RREB1: variants seen among roughly 807,000 people sequenced by gnomAD.
RREB1 encodes the protein ras-responsive element-binding protein 1.
In RREB1, 27 loss-of-function variants were observed where a neutral mutation model predicts 117.8. That is an observed-to-expected ratio of 0.23 (90% CI 0.17 to 0.32). RREB1 has a LOEUF of 0.32. Among genes scored for constraint, RREB1 ranks in the 10% least tolerant of loss-of-function variants. The pLI is 1.00. For missense variants in RREB1, 2,577 were observed against 2,378.2 expected, an observed-to-expected ratio of 1.08 and a Z score of -1.74; for synonymous variants, 1,298 against 1,026.7, an observed-to-expected ratio of 1.26 and a Z score of -5.05.
In RREB1 at chr6:7,231,118, C is replaced by T. The variant is rs549172556; in HGVS notation, c.3019C>T (p.Pro1007Ser). ...PAATPEPPAQ[P>S]LQGPVQLAVP... ...GGCCACCCCGGAACCCCCAGCACAG[C>T]CCCTGCAGGGCCCTGTTCAGCTGGC... is the stretch of plus-strand genomic sequence containing the variant. Residue 1007 changes from proline to serine, a missense_variant, in exon 10 of 13, where the codon CCC (proline) becomes TCC (serine). Transcript: ENST00000379938. 31 of 1,612,864 alleles carry T rather than the reference C, an allele frequency of 1.9e-5. No individual in the cohort carries two copies. In the South Asian group the frequency reaches 2.9e-4, roughly 15 times the overall value.
intron 1 of RREB1, among the ~76,000 whole-genome samples, chr6:7,171,720 G>A (rs1425476247): frequency 2.0e-5 from 3 of 152,174 alleles, no homozygotes; most frequent in African/African-American, 7.2e-5. Flanking sequence ...AACATTAGAG[G>A]TGAGTGTGTC....
At chr6:7,137,766 C>T (rs1762405022) in intron 1 of RREB1, among the ~76,000 whole-genome samples, 2 of 152,104 alleles carry the variant, frequency 1.3e-5, no homozygotes, top group South Asian at 2.1e-4. Context: ...AGAGTCATTT[C>T]ACGGCCGCCT....
intron 1 of RREB1, among the ~76,000 whole-genome samples, chr6:7,150,415 T>G (rs1196914301): frequency 6.6e-6 from 1 of 152,256 alleles, no homozygotes; most frequent in Non-Finnish European, 1.5e-5. Context: ...TTTTGTGTGT[T>G]TTGGGTTTTT....
chr6:7,109,969 G>A (rs1581392713), intron 1 of RREB1, among the ~76,000 whole-genome samples: 1 of 152,184 alleles, frequency 6.6e-6, no homozygotes, highest in African/African-American at 2.4e-5. Flanking sequence ...TTAGATTTAA[G>A]CTTAGCTCTT....
chr6:7,171,031 G>A (rs2113495524), intron 1 of RREB1, among the ~76,000 whole-genome samples: 1 of 152,296 alleles, frequency 6.6e-6, no homozygotes, highest in Admixed American at 6.5e-5. Context: ...GGTTTGTTTG[G>A]TGGAGGGTCT....
chr6:7,228,495 CTTTTTTTTTTT>C (rs568193582), intron 9 of RREB1, among the ~76,000 whole-genome samples: 1 of 91,206 alleles, frequency 1.1e-5, no homozygotes, highest in East Asian at 2.9e-4. Context: ...AGAAGGTCAA[CTTTTTTTTTTT>C]TTTTTTTTTT....
At chr6:7,122,410 C>T (rs373726552) in intron 1 of RREB1, among the ~76,000 whole-genome samples, 53 of 152,248 alleles carry the variant, frequency 3.5e-4, no homozygotes, top group African/African-American at 1.2e-3. Context: ...GGACTACAGG[C>T]GGGCACCGCC....
intron 8 of RREB1, among the ~76,000 whole-genome samples, chr6:7,223,257 TAAAAAA>T (rs59558597): frequency 5.4e-4 from 53 of 97,284 alleles, no homozygotes; most frequent in African/African-American, 2.1e-3. Flanking sequence ...ACTCTCTTTT[TAAAAAA>T]AAAAAAAAAA....
At chr6:7,156,634 T>G (rs766678320) in intron 1 of RREB1, among the ~76,000 whole-genome samples, 2 of 152,246 alleles carry the variant, frequency 1.3e-5, no homozygotes, top group African/African-American at 4.8e-5. Flanking sequence ...CTGGTGCCCT[T>G]GGTATTTGTA....
At chr6:7,175,847 C>CT (rs1195862479) in intron 1 of RREB1, among the ~76,000 whole-genome samples, 1 of 152,242 alleles carries the variant, frequency 6.6e-6, no homozygotes, top group Non-Finnish European at 1.5e-5. Context: ...GTTACCAACA[C>CT]TTTCTCCTCA....
At chr6:7,130,605 T>C (rs1009741960) in intron 1 of RREB1, among the ~76,000 whole-genome samples, 6 of 152,108 alleles carry the variant, frequency 3.9e-5, no homozygotes, top group Non-Finnish European at 8.8e-5. Context: ...CATTTACTTT[T>C]GTTAGTAGTC....
chr6:7,111,571 G>T (rs1761147971), intron 1 of RREB1, among the ~76,000 whole-genome samples: 1 of 152,192 alleles, frequency 6.6e-6, no homozygotes, highest in African/African-American at 2.4e-5. Flanking sequence ...TTTTGAAAGG[G>T]AGTCATTCCC....
At chr6:7,175,771 T>C (rs1374960014) in intron 1 of RREB1, among the ~76,000 whole-genome samples, 1 of 152,176 alleles carries the variant, frequency 6.6e-6, no homozygotes, top group East Asian at 1.9e-4. Context: ...CATGTGTAAT[T>C]TGAGATGTTT....
intron 1 of RREB1, among the ~76,000 whole-genome samples, chr6:7,164,770 G>A (rs1029473716): frequency 6.6e-6 from 1 of 152,242 alleles, no homozygotes; most frequent in Admixed American, 6.5e-5. Flanking sequence ...ACAGAGTTAG[G>A]ATTGGGAGGA....
At chr6:7,149,151 G>C (rs1215316061) in intron 1 of RREB1, among the ~76,000 whole-genome samples, 1 of 152,142 alleles carries the variant, frequency 6.6e-6, no homozygotes, top group Non-Finnish European at 1.5e-5. Context: ...TCAAACTCCT[G>C]ACCTCAGGTG....
At position 7,230,339 on chromosome 6, in the gene RREB1, C is replaced by A; in HGVS notation, c.2240C>A (p.Ala747Asp). 2 of 1,589,944 alleles carry A rather than the reference C, an allele frequency of 1.3e-6. No individual in the cohort carries two copies. Residue 747 changes from alanine to aspartate, a missense_variant, in exon 10 of 13, where the codon GCC becomes GAC. By Grantham distance (126) the Ala-to-Asp change is moderately radical. Coordinates refer to ENST00000379938, the MANE Select transcript of RREB1 (RefSeq NM_001003699.4). ...VSSSAAELVD[A>D]FCAPDTVCRL... ...AGCAGCGCGGCCGAGCTGGTGGACG[C>A]CTTCTGCGCCCCGGACACCGTGTGC...
At chr6:7,223,432 A>T (rs1451622246) in intron 8 of RREB1, among the ~76,000 whole-genome samples, 34 of 151,908 alleles carry the variant, frequency 2.2e-4, no homozygotes, top group African/African-American at 8.2e-4. Context: ...GTGGTGGCGC[A>T]TGCCTGTAAT....
chr6:7,137,205 G>A (rs966257906), intron 1 of RREB1, among the ~76,000 whole-genome samples: 3 of 152,214 alleles, frequency 2.0e-5, no homozygotes, highest in East Asian at 1.9e-4. Flanking sequence ...GGGTGGAGGC[G>A]GCAGGAGCAG....
intron 8 of RREB1, 143 bp downstream of exon 8, chr6:7,211,852 G>A (rs1766629683): frequency 2.4e-6 from 2 of 844,094 alleles, no homozygotes; most frequent in Admixed American, 2.6e-5. Flanking sequence ...AGAAAGTATC[G>A]GTGTGGGGAA....
Sources: gnomAD v4.1 joint callset for allele counts (sites outside exome capture counted in the v4.1 genomes callset) on GRCh38, gnomAD v4.1.1 for gene constraint, MANE v1.5 for transcripts, NCBI Gene and HGNC (gene_info 2026-07-23, HGNC 2026-07-21) for gene names.